The following ADARB2 variants were observed in gnomAD, a reference collection of about 807,000 sequenced individuals.
ADARB2 encodes adenosine deaminase RNA specific B2 (inactive), also known as inactive double-stranded RNA-specific editase B2.
In ADARB2, 25 loss-of-function variants were observed where a neutral mutation model predicts 62.2. The ratio of observed to expected loss-of-function variants is 0.40; its 90% CI spans 0.29 to 0.56. The LOEUF is 0.56. Ranked by LOEUF, ADARB2 falls within the 20% of genes least tolerant of loss-of-function variation. ADARB2 has a pLI of 0.43. For synonymous variants in ADARB2, 572 were observed against 500.8 expected, an observed-to-expected ratio of 1.14 and a Z score of -1.90; for missense variants, 1,071 against 1,077.4, an observed-to-expected ratio of 0.99 and a Z score of 0.08.
chr10:1,670,966 TTGAG>T (rs1794036682), intron 1 of ADARB2, among the ~76,000 whole-genome samples: 1 of 152,216 alleles, frequency 6.6e-6, no homozygotes, highest in South Asian at 2.1e-4. Flanking sequence ...TACACATCTA[TTGAG>T]TGAGTCAGCT....
intron 3 of ADARB2, among the ~76,000 whole-genome samples, chr10:1,351,555 A>C (rs1191454355): frequency 1.3e-5 from 2 of 151,974 alleles, no homozygotes; most frequent in African/African-American, 4.8e-5. Flanking sequence ...CTGACTATTC[A>C]TTGCCGCCTT....
intron 1 of ADARB2, among the ~76,000 whole-genome samples, chr10:1,544,956 T>TATGCACACACACACACACACACACACAC (rs10526252): frequency 7.5e-6 from 1 of 133,848 alleles, no homozygotes; most frequent in African/African-American, 2.7e-5. Flanking sequence ...TAGCAAAGTA[T>TATGCACACACACACACACACACACACAC]ACACACACAC....
rs73576647 is a variant in ADARB2 at position 1,362,559 on chromosome 10, C to T, written c.1077+469G>A. On this transcript the variant is annotated intron_variant, in intron 3 of 9. Transcript: ENST00000381312. ...CCCAGCTCCCCACTCTCGCTCCGGCCTCCTCGGCCTCCCAGCGCGATTCTC... is the reference window on the plus strand; with the variant it reads ...CCCAGCTCCCCACTCTCGCTCCGGCTTCCTCGGCCTCCCAGCGCGATTCTC... Among the ~76,000 whole-genome samples the T allele has an allele frequency of 6.4e-3, 968 of 152,222 alleles. 12 individuals carry two copies. Among genetic ancestry groups the T allele is most frequent in the African/African-American group, 0.021 (892 of 41,534 alleles).
intron 1 of ADARB2, among the ~76,000 whole-genome samples, chr10:1,595,573 A>G (rs1245214817): frequency 6.6e-6 from 1 of 152,230 alleles, no homozygotes; most frequent in Non-Finnish European, 1.5e-5. Context: ...AGCTGTCACC[A>G]TGAGGCCAGA....
intron 1 of ADARB2, among the ~76,000 whole-genome samples, chr10:1,612,714 G>A (rs1424219077): frequency 6.6e-6 from 1 of 152,182 alleles, no homozygotes; most frequent in African/African-American, 2.4e-5. Flanking sequence ...GATCCAGCCA[G>A]CAGCCTGCAT....
At chr10:1,407,204 G>A (rs530916505) in intron 1 of ADARB2, among the ~76,000 whole-genome samples, 34 of 152,206 alleles carry the variant, frequency 2.2e-4, no homozygotes, top group African/African-American at 8.0e-4. Context: ...ATACTGATTT[G>A]CTGTTCTCGG....
intron 1 of ADARB2, among the ~76,000 whole-genome samples, chr10:1,437,222 A>G (rs542746345): frequency 1.4e-5 from 2 of 147,866 alleles, no homozygotes; most frequent in African/African-American, 2.5e-5. Context: ...TGGTATACAT[A>G]TATATATATA....
chr10:1,574,891 AAG>A (rs1832989290), intron 1 of ADARB2, among the ~76,000 whole-genome samples: 1 of 152,152 alleles, frequency 6.6e-6, no homozygotes, highest in Admixed American at 6.5e-5. Flanking sequence ...GTGGAGAGGA[AAG>A]AGGATTTGAG....
At chr10:1,482,111 T>G (rs1211791715) in intron 1 of ADARB2, among the ~76,000 whole-genome samples, 1 of 152,186 alleles carries the variant, frequency 6.6e-6, no homozygotes, top group Non-Finnish European at 1.5e-5. Flanking sequence ...TTGGTGAGAA[T>G]GTGGAGAAAC....
intron 1 of ADARB2, among the ~76,000 whole-genome samples, chr10:1,382,443 C>T (rs934358970): frequency 3.9e-5 from 6 of 152,052 alleles, no homozygotes; most frequent in South Asian, 4.2e-4. Flanking sequence ...AAGGGCAGAC[C>T]GCATCTTTAG....
intron 1 of ADARB2, among the ~76,000 whole-genome samples, chr10:1,736,007 TC>T (rs1295679233): frequency 1.3e-5 from 2 of 152,214 alleles, no homozygotes; most frequent in Non-Finnish European, 2.9e-5. Context: ...TAACGTTGCC[TC>T]CTGCTTTCAA....
chr10:1,642,881 C>T (rs1833996354), intron 1 of ADARB2, among the ~76,000 whole-genome samples: 1 of 152,170 alleles, frequency 6.6e-6, no homozygotes, highest in Non-Finnish European at 1.5e-5. Flanking sequence ...CTGGGTGAAG[C>T]GGGAGAGGCA....
intron 6 of ADARB2, among the ~76,000 whole-genome samples, chr10:1,222,069 C>T (rs555972514): frequency 6.6e-6 from 1 of 152,332 alleles, no homozygotes; most frequent in East Asian, 1.9e-4. Context: ...CACATCCTCT[C>T]CAGCACCTGT....
Position 1,452,134 on chromosome 10 carries a change from C to T in ADARB2, c.101-72974G>A, listed in dbSNP as rs535448237. On this transcript the variant is annotated intron_variant, in intron 1 of 9. Transcript: ENST00000381312. ...CTGACACACCACCTTCAGATTTGGC[C>T]GCTGCCACCATCACACCTCTGGGTG... Among the ~76,000 whole-genome samples, 22 of 152,228 alleles carry T rather than the reference C, an allele frequency of 1.4e-4. No homozygotes were observed. In the East Asian group the frequency reaches 2.5e-3, roughly 17 times the overall value.
chr10:1,265,825 G>C (rs1254753769), intron 4 of ADARB2, among the ~76,000 whole-genome samples: 1 of 136,162 alleles, frequency 7.3e-6, no homozygotes, highest in South Asian at 2.7e-4. Context: ...GGGGGGCCCA[G>C]GGTCCCCCGG....
intron 1 of ADARB2, among the ~76,000 whole-genome samples, chr10:1,628,314 C>T (rs72766726): frequency 0.023 from 3,551 of 152,320 alleles, 52 homozygotes; most frequent in Non-Finnish European, 0.037. Flanking sequence ...TGATTACTTG[C>T]TTTCTACCGA....
chr10:1,647,497 G>A (rs1834058631), intron 1 of ADARB2, among the ~76,000 whole-genome samples: 1 of 151,312 alleles, frequency 6.6e-6, no homozygotes, highest in South Asian at 2.1e-4. Flanking sequence ...GTATATACAT[G>A]TGTATATATA....
At chr10:1,185,434 C>T (rs918478713) in intron 8 of ADARB2, among the ~76,000 whole-genome samples, 28 of 152,258 alleles carry the variant, frequency 1.8e-4, no homozygotes, top group South Asian at 1.0e-3. Context: ...GGCAAAACAC[C>T]GGGGCTAGTA....
At chr10:1,284,988 G>A (rs977995153) in intron 3 of ADARB2, among the ~76,000 whole-genome samples, 2 of 152,168 alleles carry the variant, frequency 1.3e-5, no homozygotes, top group Admixed American at 1.3e-4. Flanking sequence ...ACAGGTGAGT[G>A]GCTGGGGAGG....
Sources: gnomAD v4.1 joint callset for allele counts (sites outside exome capture counted in the v4.1 genomes callset) on GRCh38, gnomAD v4.1.1 for gene constraint, MANE v1.5 for transcripts, NCBI Gene and HGNC (gene_info 2026-07-23, HGNC 2026-07-21) for gene names.